The following KYNU variants were observed in gnomAD, a reference collection of about 807,000 sequenced individuals.
KYNU encodes kynureninase.
A neutral mutation model predicts 59.2 loss-of-function variants in KYNU; 54 were observed. The observed-to-expected ratio is 0.91, with a 90% CI of 0.73 to 1.14. The LOEUF is 1.14. Among genes scored for constraint, KYNU ranks in the 50% most tolerant of loss-of-function variants. The pLI, the probability that KYNU is intolerant of heterozygous loss-of-function variation, is 0.00. For synonymous variants in KYNU, 177 were observed against 192.0 expected (o/e 0.92, Z 0.65); for missense variants, 567 against 554.4 (o/e 1.02, Z -0.23).
chr2:143,040,486 A>G lies in KYNU; in HGVS notation c.1100A>G (p.Tyr367Cys), dbSNP rs573910765. ...AAAAAATCTGTTTTGCTAACTGGCTATCTGGAATACCTGATCAAGCATAAC... is the reference window on the plus strand; with the variant it reads ...AAAAAATCTGTTTTGCTAACTGGCTGTCTGGAATACCTGATCAAGCATAAC... The part of the protein sequence containing the change: ...LRKKSVLLTG[Y>C]LEYLIKHNYG... The change falls in exon 13 of 14, where the codon TAT becomes TGT. Residue 367 changes from tyrosine to cysteine, a missense_variant. Tyr to Cys is a radical substitution (Grantham distance 194). Transcript: ENST00000264170. The G allele has an allele frequency of 5.0e-6, 8 of 1,613,342 alleles. No homozygotes were observed. In the African/African-American group the frequency reaches 6.7e-5, roughly 13 times the overall value.
In KYNU at chr2:142,885,481, G is replaced by A. The variant is rs1356526676; in HGVS notation, c.114G>A (p.Lys38=). The A allele has an allele frequency of 6.2e-7, 1 of 1,614,074 alleles. No homozygotes were observed. Among genetic ancestry groups the A allele is most frequent in the Admixed American group, 1.7e-5 (1 of 60,022 alleles). Residue 38 remains lysine, a synonymous_variant, in exon 2 of 14, where the codon AAG becomes AAA. Coordinates refer to ENST00000264170, the MANE Select transcript of KYNU (RefSeq NM_003937.3). ...RVALHLDEED[K]LRHFRECFYI... ...CTCTCCACCTAGATGAGGAAGATAA[G>A]CTGAGGCACTTCAGGGAGTGCTTTT... is the stretch of plus-strand genomic sequence containing the variant.
chr2:143,040,861 C>T (rs1387811535), intron 13 of KYNU, among the ~76,000 whole-genome samples: 1 of 152,000 alleles, frequency 6.6e-6, no homozygotes, highest in African/African-American at 2.4e-5. Context: ...AGAGAAGATA[C>T]CACAAACTTG....
At chr2:142,982,210 A>T (rs1685070769) in intron 8 of KYNU, among the ~76,000 whole-genome samples, 1 of 152,126 alleles carries the variant, frequency 6.6e-6, no homozygotes, top group Non-Finnish European at 1.5e-5. Flanking sequence ...CTAATCGTAC[A>T]CATAGTAAAC....
At position 142,982,687 on chromosome 2, in the gene KYNU, A is replaced by C. The variant is rs573345954; in HGVS notation, c.730-2397A>C. On this transcript the variant is annotated intron_variant, in intron 8 of 13. Coordinates refer to ENST00000264170, the MANE Select transcript of KYNU (RefSeq NM_003937.3). ...AAACTTTGAAATTCTCTCCCAAACA[A>C]CTTCATTCTTCCTCTTTATTTTTGG... 2.6e-5 allele frequency among the ~76,000 whole-genome samples: 4 copies of C among 152,196 alleles called. No individual in the cohort carries two copies. In the South Asian group the frequency reaches 8.3e-4, roughly 32 times the overall value.
intron 2 of KYNU, among the ~76,000 whole-genome samples, chr2:142,893,656 T>C (rs975795196): frequency 9.2e-5 from 14 of 152,010 alleles, no homozygotes; most frequent in African/African-American, 3.4e-4. Context: ...ATTGAGAAGA[T>C]GGTATGGGAA....
intron 4 of KYNU, among the ~76,000 whole-genome samples, chr2:142,934,136 G>A (rs1013776485): frequency 6.6e-6 from 1 of 152,156 alleles, no homozygotes; most frequent in Non-Finnish European, 1.5e-5. Context: ...GAGTTTGTTG[G>A]GTGGAGTAGG....
intron 11 of KYNU, among the ~76,000 whole-genome samples, chr2:143,032,111 A>G (rs1573916526): frequency 6.6e-6 from 1 of 151,806 alleles, no homozygotes; most frequent in East Asian, 1.9e-4. Flanking sequence ...CCCCATCTCT[A>G]CTAAAAATAC....
intron 10 of KYNU, among the ~76,000 whole-genome samples, chr2:142,996,734 A>G (rs10184722): frequency 0.27 from 40,797 of 152,032 alleles, 7,640 homozygotes; most frequent in African/African-American, 0.53. Context: ...AGGAATTTTG[A>G]TTTTATTTTA....
intron 10 of KYNU, among the ~76,000 whole-genome samples, chr2:142,992,732 A>G (rs1685438111): frequency 6.6e-6 from 1 of 151,984 alleles, no homozygotes; most frequent in Non-Finnish European, 1.5e-5. Flanking sequence ...TCACTTTCTC[A>G]TGTAAAGAGA....
At chr2:142,908,556 G>T (rs1682374355) in intron 2 of KYNU, among the ~76,000 whole-genome samples, 1 of 151,880 alleles carries the variant, frequency 6.6e-6, no homozygotes, top group South Asian at 2.1e-4. Flanking sequence ...TAGAGTTTTT[G>T]ACTCAAACCC....
At chr2:143,015,932 T>A (rs1484063368) in intron 10 of KYNU, among the ~76,000 whole-genome samples, 3 of 152,240 alleles carry the variant, frequency 2.0e-5, no homozygotes, top group African/African-American at 7.2e-5. Context: ...TTTGGAGTAA[T>A]GCCGGAGGCA....
chr2:142,948,279 G>A (rs958425316), intron 4 of KYNU, among the ~76,000 whole-genome samples: 2 of 152,148 alleles, frequency 1.3e-5, no homozygotes, highest in African/African-American at 4.8e-5. Flanking sequence ...CCTCTGTCAG[G>A]CTTCAAAGAA....
At chr2:143,030,349 C>A (rs1686704553) in intron 11 of KYNU, among the ~76,000 whole-genome samples, 1 of 152,158 alleles carries the variant, frequency 6.6e-6, no homozygotes, top group Non-Finnish European at 1.5e-5. Context: ...TCCTGCATGA[C>A]CTCATTTCTC....
chr2:142,999,836 A>T (rs1685660189), intron 10 of KYNU, among the ~76,000 whole-genome samples: 1 of 152,054 alleles, frequency 6.6e-6, no homozygotes. Context: ...CAGAAATCTC[A>T]TCTTCTTGTT....
intron 2 of KYNU, among the ~76,000 whole-genome samples, chr2:142,912,665 C>T (rs1682523747): frequency 6.6e-6 from 1 of 150,484 alleles, no homozygotes. Flanking sequence ...AGGCATGAGC[C>T]ACAGCACCCA....
chr2:142,980,152 G>C (rs1313737465), intron 8 of KYNU, among the ~76,000 whole-genome samples: 2 of 150,644 alleles, frequency 1.3e-5, no homozygotes, highest in African/African-American at 4.9e-5. Flanking sequence ...TTTGTAAACT[G>C]TCCTAGCACT....
At chr2:143,024,597 G>C (rs371206509) in intron 10 of KYNU, among the ~76,000 whole-genome samples, 3 of 151,810 alleles carry the variant, frequency 2.0e-5, no homozygotes, top group African/African-American at 7.3e-5. Context: ...GGTTGCATTT[G>C]ATACATTTGA....
At chr2:142,929,492 G>A (rs1225192388) in intron 4 of KYNU, among the ~76,000 whole-genome samples, 1 of 152,016 alleles carries the variant, frequency 6.6e-6, no homozygotes, top group Non-Finnish European at 1.5e-5. Context: ...TATTTGAAGA[G>A]TAAATTTTTC....
intron 1 of KYNU, among the ~76,000 whole-genome samples, chr2:142,884,488 A>T (rs1233143098): frequency 6.6e-6 from 1 of 152,102 alleles, no homozygotes; most frequent in Non-Finnish European, 1.5e-5. Context: ...GATCATCCTT[A>T]CCATTATCTC....
Sources: gnomAD v4.1 joint callset for allele counts (sites outside exome capture counted in the v4.1 genomes callset) on GRCh38, gnomAD v4.1.1 for gene constraint, MANE v1.5 for transcripts, NCBI Gene and HGNC (gene_info 2026-07-23, HGNC 2026-07-21) for gene names.